Variants in CHAF1A observed in about 807,000 individuals in gnomAD.
The protein encoded by CHAF1A is CAF-1 subunit A.
CHAF1A carries 5 observed loss-of-function variants against 93.2 expected under a neutral mutation model. The observed-to-expected ratio is 0.05, with a 90% CI of 0.03 to 0.11. CHAF1A has a LOEUF of 0.11. Ranked by LOEUF, CHAF1A falls within the 10% of genes least tolerant of loss-of-function variation. The probability of loss-of-function intolerance (pLI) is 1.00; values close to 1 mark genes in which losing one functional copy is unlikely to be tolerated. For missense variants in CHAF1A, 1,102 were observed against 1,259.9 expected (o/e 0.87, Z 1.90); for synonymous variants, 504 against 510.3 (o/e 0.99, Z 0.17).
At chr19:4,442,497 G>T (rs375361525) in intron 14 of CHAF1A, among the ~76,000 whole-genome samples, 156 bp downstream of exon 14, 7 of 152,226 alleles carry the variant, frequency 4.6e-5, no homozygotes, top group African/African-American at 1.7e-4. Context: ...ACATCCTCGG[G>T]CGGGCTGGGC....
At position 4,409,014 on chromosome 19, in the gene CHAF1A, T is replaced by C. The variant is rs1179644859; in HGVS notation, c.215T>C (p.Leu72Ser). Reference sequence around the variant, plus strand: ...AAAAGCCCCGATTTAGAGGCCTCTTTGGACACCTTGGAAAACAACTGTCAT... The same window carrying C: ...AAAAGCCCCGATTTAGAGGCCTCTTCGGACACCTTGGAAAACAACTGTCAT... ...QSKSPDLEAS[L>S]DTLENNCHVG... Residue 72 changes from leucine (L) to serine (S), a missense_variant, in exon 3 of 15, where the codon TTG (leucine) becomes TCG (serine). Leu to Ser is a moderately radical substitution (Grantham distance 145). Around this residue, in one of 6 missense-constraint regions of CHAF1A, gnomAD observed 379 missense variants for 365.7 expected, o/e 1.04. Coordinates refer to ENST00000301280, the MANE Select transcript of CHAF1A (RefSeq NM_005483.3). 1 of 1,614,210 alleles carries C rather than the reference T, an allele frequency of 6.2e-7. No individual in the cohort carries two copies. Among genetic ancestry groups the C allele is most frequent in the Non-Finnish European group, 8.5e-7 (1 of 1,180,054 alleles).
intron 3 of CHAF1A, among the ~76,000 whole-genome samples, chr19:4,411,411 G>T (rs1973795475): frequency 6.6e-6 from 1 of 152,052 alleles, no homozygotes; most frequent in African/African-American, 2.4e-5. Context: ...TGTATTTTTA[G>T]TAGAGACGGG....
downstream of CHAF1A, chr19:4,445,652 G>T: frequency 6.2e-7 from 1 of 1,600,080 alleles, no homozygotes; most frequent in South Asian, 1.1e-5. Flanking sequence ...GTCACTCTGA[G>T]ACCGAGAGTC....
chr19:4,406,001 T>G lies in CHAF1A; in HGVS notation c.103+39T>G, dbSNP rs748526257. On this transcript the variant is annotated intron_variant, in intron 2 of 14. Coordinates refer to ENST00000301280, the MANE Select transcript of CHAF1A (RefSeq NM_005483.3). ...AATGGGTTAAAGAGTTGTTCGTAGT[T>G]TATAGTCTTCCTTGTCTCTTGTTGG... 2.6e-5 allele frequency: 40 copies of G among 1,529,054 alleles called. 1 individual carries two copies. The Admixed American group carries it at 6.4e-4, about 24-fold the overall frequency. The allele number at this position is 1,529,054 out of a possible 1,614,324, so 94.7% of individuals were successfully genotyped here.
Position 4,442,984 on chromosome 19 carries a change from G to C in CHAF1A, c.2830G>C (p.Gly944Arg). ...TGGGGGTGGTGTGGGGGTGGACACC[G>C]GCAAGGCCACCCTGACCGCGAGCCC... ...GAGGGVGVDT[G>R]KATLTASPLG... The change falls in exon 15 of 15, where the codon GGC becomes CGC. Residue 944 changes from glycine (G) to arginine (R), a missense_variant. Transcript: ENST00000301280. 1.2e-5 allele frequency: 19 copies of C among 1,603,608 alleles called. No homozygotes were observed. The highest frequency in any genetic ancestry group is 1.6e-5 in the Non-Finnish European group (19 of 1,175,730).
chr19:4,414,802 G>C (rs1973869361), intron 3 of CHAF1A, among the ~76,000 whole-genome samples: 1 of 152,106 alleles, frequency 6.6e-6, no homozygotes, highest in East Asian at 1.9e-4. Context: ...ATGAGGTCTT[G>C]GTAGCTCAAG....
At chr19:4,446,865 T>C (rs1974542434), downstream of CHAF1A, 1 of 1,613,934 alleles carries the variant, frequency 6.2e-7, no homozygotes, top group African/African-American at 1.3e-5. Context: ...CAACACCTTC[T>C]GGAACCCAAT....
At chr19:4,429,251 T>C in intron 8 of CHAF1A, 187 bp from the exon 9 acceptor site, 1 of 678,326 alleles carries the variant, frequency 1.5e-6, no homozygotes, top group Non-Finnish European at 2.5e-6. Context: ...CCCTGCAGGC[T>C]GCACCCTCCT....
chr19:4,427,787 TG>T (rs1185789480), intron 7 of CHAF1A, among the ~76,000 whole-genome samples: 4 of 152,264 alleles, frequency 2.6e-5, no homozygotes, highest in African/African-American at 9.6e-5. Context: ...CGGGTTTCAC[TG>T]TGTTGCCCAG....
rs1263970034 is a variant in CHAF1A at position 4,409,902 on chromosome 19, C to G, written c.960+143C>G. ...CCTGGGACTCGACGTGGAGTTCTTCCTGGTATCAAAACTCACAGTGTTCAG... is the reference window on the plus strand; with the variant it reads ...CCTGGGACTCGACGTGGAGTTCTTCGTGGTATCAAAACTCACAGTGTTCAG... On this transcript the variant is annotated intron_variant, in intron 3 of 14. Transcript: ENST00000301280. 8 of 914,218 alleles carry G rather than the reference C, an allele frequency of 8.8e-6. No individual in the cohort carries two copies. The East Asian group carries it at 2.1e-4, about 24-fold the overall frequency. The allele number at this position is 914,218 out of a possible 1,614,324, so 56.6% of individuals were successfully genotyped here. A position where few individuals can be genotyped will look rare whatever the true frequency, so the allele number is the denominator to read the frequency against.
chr19:4,421,736 A>G (rs1472495887), intron 4 of CHAF1A, among the ~76,000 whole-genome samples: 4 of 152,186 alleles, frequency 2.6e-5, no homozygotes, highest in South Asian at 4.1e-4. Flanking sequence ...TGACTGCACC[A>G]CTGCACTCCA....
chr19:4,429,374 CTGGGAGGTTTG>C, intron 8 of CHAF1A, 53 bp from the exon 9 acceptor site: 6 of 1,562,684 alleles, frequency 3.8e-6, no homozygotes, highest in Non-Finnish European at 5.2e-6. Context: ...AGGGAGGTTC[CTGGGAGGTTTG>C]TGAGCAGGTC....
downstream of CHAF1A, chr19:4,445,992 C>T (rs555010325): frequency 6.5e-7 from 1 of 1,544,812 alleles, no homozygotes; most frequent in Non-Finnish European, 8.7e-7. Context: ...CTGTGCCGGT[C>T]CCAGGAGAAC....
At position 4,415,520 on chromosome 19, in the gene CHAF1A, G is replaced by A. The variant is rs532211186; in HGVS notation, c.961-2500G>A. 9.2e-5 allele frequency among the ~76,000 whole-genome samples: 14 copies of A among 152,292 alleles called. No homozygotes were observed. The South Asian group carries it at 1.0e-3, about 11-fold the overall frequency. ...ACAAAGGGCAGCCCCGGAGAGCTGC[G>A]GCTCCCATATTCTGCAGTTAAATCC... On this transcript the variant is annotated intron_variant, in intron 3 of 14. Coordinates refer to ENST00000301280, the MANE Select transcript of CHAF1A (RefSeq NM_005483.3).
chr19:4,420,094 T>C (rs1413008141), intron 4 of CHAF1A, among the ~76,000 whole-genome samples: 1 of 152,138 alleles, frequency 6.6e-6, no homozygotes, highest in Non-Finnish European at 1.5e-5. Context: ...GGAACACATT[T>C]AGAATTTTTC....
At chr19:4,440,634 T>C (rs2145152171) in intron 13 of CHAF1A, among the ~76,000 whole-genome samples, 1 of 151,964 alleles carries the variant, frequency 6.6e-6, no homozygotes, top group African/African-American at 2.4e-5. Flanking sequence ...CTGAGAGGTG[T>C]CCTCAGGCAA....
In CHAF1A at chr19:4,433,406, C is replaced by T. The variant is rs749929809; in HGVS notation, c.2540C>T (p.Ser847Leu). 1.6e-5 allele frequency: 25 copies of T among 1,612,596 alleles called. No individual in the cohort carries two copies. Among genetic ancestry groups the T allele is most frequent in the East Asian group, 6.7e-5 (3 of 44,800 alleles). Reference sequence around the variant, plus strand: ...TGGAGCTATGTGACATCGGTGCCCTCGGCCCCCAAAGAGGACAGTGGCAGC... The same window carrying T: ...TGGAGCTATGTGACATCGGTGCCCTTGGCCCCCAAAGAGGACAGTGGCAGC... ...CQWSYVTSVP[S>L]APKEDSGSVP... Residue 847 changes from serine to leucine, a missense_variant, in exon 13 of 15, where the codon TCG becomes TTG. This residue lies in a region of CHAF1A where 76 missense variants were observed against 129.8 expected (regional missense o/e 0.59). Transcript: ENST00000301280. The surrounding 1 kb of genome is among the most constrained non-coding windows in gnomAD (Gnocchi z 5.6).
downstream of CHAF1A, chr19:4,445,823 C>T (rs190257660): frequency 3.9e-4 from 399 of 1,034,644 alleles, 3 homozygotes; most frequent in African/African-American, 4.8e-3. Flanking sequence ...CACTAGCTAA[C>T]GCACGTCACC....
chr19:4,445,361 C>T (rs996973102), downstream of CHAF1A: 67 of 1,433,546 alleles, frequency 4.7e-5, no homozygotes, highest in East Asian at 1.2e-3. Flanking sequence ...CACAGCTCCA[C>T]GGCTGGCGCC....
Sources: allele counts gnomAD v4.1 joint callset (sites outside exome capture counted in the v4.1 genomes callset), GRCh38; gene constraint gnomAD v4.1.1; regional missense constraint gnomAD v4.1.1; non-coding constraint Gnocchi (gnomAD v3.1); transcripts MANE v1.5; gene names NCBI Gene and HGNC (gene_info 2026-07-23, HGNC 2026-07-21).